The following SLCO1A2 variants were observed in gnomAD, a reference collection of about 807,000 sequenced individuals.
SLCO1A2 encodes the protein OATP-1.
Under a neutral mutation model 69.0 loss-of-function variants are expected in SLCO1A2, and 67 were observed. The observed-to-expected ratio is 0.97, with a 90% CI of 0.80 to 1.19. The LOEUF is 1.19. Ranked by LOEUF, SLCO1A2 falls within the 50% of genes most tolerant of loss-of-function variation. The pLI is 0.00. For synonymous variants in SLCO1A2, 260 were observed against 265.9 expected (o/e 0.98, Z 0.22); for missense variants, 787 against 793.7 (o/e 0.99, Z 0.10).
intron 2 of SLCO1A2, among the ~76,000 whole-genome samples, chr12:21,360,009 G>T (rs1275216557): frequency 6.6e-6 from 1 of 151,720 alleles, no homozygotes; most frequent in Non-Finnish European, 1.5e-5. Context: ...AAATCATTAT[G>T]CTATGTAAAA....
At chr12:21,368,716 T>C (rs1412957287) in intron 2 of SLCO1A2, among the ~76,000 whole-genome samples, 1 of 152,106 alleles carries the variant, frequency 6.6e-6, no homozygotes, top group Non-Finnish European at 1.5e-5. Context: ...AGATAGATCA[T>C]TTGTTGATAA....
At chr12:21,335,123 C>T (rs1351029236), upstream of SLCO1A2, among the ~76,000 whole-genome samples, 1 of 151,774 alleles carries the variant, frequency 6.6e-6, no homozygotes, top group African/African-American at 2.4e-5. Context: ...CCTACCAAGG[C>T]TCAAAAATCT....
chr12:21,272,732 TTAACCAGCAAG>T (rs1943103060), intron 14 of SLCO1A2, among the ~76,000 whole-genome samples: 1 of 152,180 alleles, frequency 6.6e-6, no homozygotes, highest in Non-Finnish European at 1.5e-5. Context: ...TTACTATCTT[TTAACCAGCAAG>T]TTTAACCAAT....
chr12:21,299,868 G>A (rs11045950), intron 8 of SLCO1A2, among the ~76,000 whole-genome samples: 14 of 105,850 alleles, frequency 1.3e-4, no homozygotes, highest in African/African-American at 4.1e-4. Context: ...ATATATATAC[G>A]TGTGTGTATA....
rs974774403 is a variant in SLCO1A2, at chr12:21,411,394, G to A, written c.-312+6488C>T. Among the ~76,000 whole-genome samples the A allele has an allele frequency of 1.4e-4, 21 of 151,960 alleles. 1 individual carries two copies. The highest frequency in any genetic ancestry group is 9.2e-4 in the Admixed American group (14 of 15,260). On this transcript the variant is annotated intron_variant, in intron 1 of 4. Transcript: ENST00000413682. Reference sequence around the variant, plus strand: ...TCTTTTCCTCCTTGATCTCTCATGCGACTGTGATCATATACCAAAATCCCA... The same window carrying A: ...TCTTTTCCTCCTTGATCTCTCATGCAACTGTGATCATATACCAAAATCCCA...
chr12:21,319,018 G>T, intron 2 of SLCO1A2, 95 bp from the exon 3 acceptor site: 1 of 903,066 alleles, frequency 1.1e-6, no homozygotes, highest in South Asian at 1.9e-5. Flanking sequence ...AAGACTGATT[G>T]TCTCCAACTT....
intron 1 of SLCO1A2, among the ~76,000 whole-genome samples, chr12:21,394,127 G>A (rs1182038147): frequency 6.6e-6 from 1 of 152,260 alleles, no homozygotes; most frequent in South Asian, 2.1e-4. Flanking sequence ...CAGATCAGGT[G>A]CTAATAGATT....
At chr12:21,382,417 A>C (rs1177988275) in intron 1 of SLCO1A2, among the ~76,000 whole-genome samples, 3 of 152,170 alleles carry the variant, frequency 2.0e-5, no homozygotes, top group African/African-American at 7.2e-5. Flanking sequence ...TAAAATGTTA[A>C]AATTCACCAC....
At chr12:21,287,526 A>T (rs1351445158) in intron 12 of SLCO1A2, among the ~76,000 whole-genome samples, 1 of 145,610 alleles carries the variant, frequency 6.9e-6, no homozygotes, top group South Asian at 2.2e-4. Context: ...TACCCAAACG[A>T]CTATAAATCA....
At chr12:21,413,436 T>C (rs1262788424) in intron 1 of SLCO1A2, among the ~76,000 whole-genome samples, 2 of 151,730 alleles carry the variant, frequency 1.3e-5, no homozygotes, top group East Asian at 3.9e-4. Context: ...GAGACAGGGT[T>C]TCTCCATGTT....
chr12:21,376,727 T>G (rs968534111), intron 1 of SLCO1A2, among the ~76,000 whole-genome samples: 1 of 151,948 alleles, frequency 6.6e-6, no homozygotes, highest in Admixed American at 6.6e-5. Flanking sequence ...TACTTAGAGA[T>G]AGAGATAATG....
chr12:21,323,590 T>TG (rs1257276946), intron 2 of SLCO1A2, among the ~76,000 whole-genome samples: 2 of 152,012 alleles, frequency 1.3e-5, no homozygotes, highest in Admixed American at 6.6e-5. Flanking sequence ...AATAAATAAA[T>TG]GAAAATAAAC....
In SLCO1A2 at chr12:21,265,150, G is replaced by A. The variant is rs1565453404; in HGVS notation, c.*4398C>T. ...ACATTCTAGTTCTTCAGCAGCTGGG[G>A]ATCTGTCACCTTATTTCCTAATGAA... On this transcript the variant is annotated 3_prime_UTR_variant, in exon 15 of 15. Transcript: ENST00000683939. The A allele has an allele frequency of 2.0e-5, 3 of 152,246 alleles. No homozygotes were observed. The highest frequency in any genetic ancestry group is 2.9e-5 in the Non-Finnish European group (2 of 68,088). 9.4% of individuals were successfully genotyped at this position (152,246 alleles called of 1,614,324 possible). A position where few individuals can be genotyped will look rare whatever the true frequency, so the allele number is the denominator to read the frequency against.
At chr12:21,413,738 TAG>T (rs1445559386) in intron 1 of SLCO1A2, among the ~76,000 whole-genome samples, 1 of 151,966 alleles carries the variant, frequency 6.6e-6, no homozygotes, top group Non-Finnish European at 1.5e-5. Context: ...GTCAAAATAA[TAG>T]AGACAGCCTT....
Position 21,378,362 on chromosome 12 carries a change from C to T in SLCO1A2, c.-189-3837G>A, listed in dbSNP as rs763604023. ...TCATCTACCAACGTGGGATCCAATA[C>T]ATATGGCAAGAGGAATGCAGTAGAG... is the stretch of plus-strand genomic sequence containing the variant. On this transcript the variant is annotated intron_variant, in intron 1 of 15. Coordinates refer to the SLCO1A2 transcript ENST00000307378. 3.1e-6 allele frequency: 5 copies of T among 1,614,006 alleles called. No individual in the cohort carries two copies. In the Admixed American group the frequency reaches 8.3e-5, roughly 27 times the overall value.
chr12:21,350,515 T>C (rs1001691841), intron 2 of SLCO1A2, among the ~76,000 whole-genome samples: 3 of 152,074 alleles, frequency 2.0e-5, no homozygotes, highest in Admixed American at 6.6e-5. Context: ...TTACTTTAAA[T>C]TGACATGCAA....
chr12:21,271,880 A>ATG (rs1293355183), intron 14 of SLCO1A2, among the ~76,000 whole-genome samples: 7 of 149,404 alleles, frequency 4.7e-5, no homozygotes, highest in Non-Finnish European at 1.0e-4. Flanking sequence ...ATATATACAT[A>ATG]TGTGTATATA....
chr12:21,384,731 AAAT>A (rs1481700148), intron 1 of SLCO1A2, among the ~76,000 whole-genome samples: 3 of 152,072 alleles, frequency 2.0e-5, no homozygotes, highest in Non-Finnish European at 2.9e-5. Flanking sequence ...AAGAAAAATT[AAAT>A]ATATCAAAAA....
At chr12:21,392,780 A>G (rs1234865805) in intron 1 of SLCO1A2, among the ~76,000 whole-genome samples, 1 of 152,218 alleles carries the variant, frequency 6.6e-6, no homozygotes, top group Non-Finnish European at 1.5e-5. Flanking sequence ...AGAATGCATA[A>G]AATTTTCCAA....
Sources: gnomAD v4.1 joint callset for allele counts (sites outside exome capture counted in the v4.1 genomes callset) on GRCh38, gnomAD v4.1.1 for gene constraint, MANE v1.5 for transcripts, NCBI Gene and HGNC (gene_info 2026-07-23, HGNC 2026-07-21) for gene names.